Variants in MYT1L observed in about 807,000 individuals in gnomAD.
The protein encoded by MYT1L is myelin transcription factor 1 like.
In MYT1L, 12 loss-of-function variants were observed where a neutral mutation model predicts 126.7. That is an observed-to-expected ratio of 0.09 (90% CI 0.06 to 0.15). The LOEUF is 0.15. Ranked by LOEUF, MYT1L falls within the 10% of genes least tolerant of loss-of-function variation. The pLI, the probability that MYT1L is intolerant of heterozygous loss-of-function variation, is 1.00. For missense variants in MYT1L, 979 were observed against 1,585.2 expected (o/e 0.62, Z 6.49); for synonymous variants, 541 against 604.2 (o/e 0.90, Z 1.53).
chr2:2,095,925 T>C (rs1307254099), intron 3 of MYT1L, among the ~76,000 whole-genome samples: 1 of 152,114 alleles, frequency 6.6e-6, no homozygotes, highest in African/African-American at 2.4e-5. Context: ...GCTTTGCGAG[T>C]TGGGCCCCAG....
chr2:1,840,323 A>G (rs10193331), intron 20 of MYT1L, among the ~76,000 whole-genome samples: 73,432 of 151,920 alleles, frequency 0.48, 19,935 homozygotes, highest in African/African-American at 0.74. Flanking sequence ...TGTCCACTGC[A>G]GCCCCAAGCC....
chr2:2,181,140 G>A (rs1183288768), intron 2 of MYT1L, among the ~76,000 whole-genome samples: 1 of 151,592 alleles, frequency 6.6e-6, no homozygotes, highest in Non-Finnish European at 1.5e-5. Flanking sequence ...GTGTACCTGT[G>A]TCTGTGCCTG....
chr2:2,140,399 G>A lies in MYT1L; in HGVS notation c.-304+32473C>T, dbSNP rs191819374. On this transcript the variant is annotated intron_variant, in intron 3 of 24. Transcript: ENST00000647738. ...AAATTTGCTCTTTTTGCAAGATAAT[G>A]GATCAATGTCTTTATTTTTTTTCTT... is the stretch of plus-strand genomic sequence containing the variant. Among the ~76,000 whole-genome samples, 169 of 150,410 alleles carry A rather than the reference G, an allele frequency of 1.1e-3. 1 individual carries two copies. The highest frequency in any genetic ancestry group is 3.5e-3 in the Middle Eastern group (1 of 282).
intron 9 of MYT1L, among the ~76,000 whole-genome samples, chr2:1,924,969 A>G (rs1360714582): frequency 6.6e-5 from 10 of 152,204 alleles, no homozygotes; most frequent in Admixed American, 6.5e-4. Context: ...GCACTTTGTT[A>G]TATTCATGGG....
At chr2:1,935,045 G>A (rs2055672008) in intron 9 of MYT1L, among the ~76,000 whole-genome samples, 1 of 152,186 alleles carries the variant, frequency 6.6e-6, no homozygotes, top group Admixed American at 6.5e-5. Flanking sequence ...ACTCTGATCT[G>A]CTTCGGCAGA....
intron 3 of MYT1L, among the ~76,000 whole-genome samples, chr2:2,119,569 A>G (rs1236753404): frequency 3.3e-5 from 5 of 152,234 alleles, no homozygotes; most frequent in African/African-American, 1.2e-4. Flanking sequence ...GAAAAAATTC[A>G]TCTTAAAACC....
intron 1 of MYT1L, chr2:2,324,065 C>G (rs2096212323): frequency 6.6e-6 from 1 of 152,162 alleles, no homozygotes. Flanking sequence ...AAACCGGCAG[C>G]AAATGACTAT....
chr2:1,916,230 G>A (rs1313243896), intron 11 of MYT1L, among the ~76,000 whole-genome samples: 3 of 152,170 alleles, frequency 2.0e-5, no homozygotes, highest in African/African-American at 4.8e-5. Context: ...TCCTGAGAAC[G>A]TTTCTTTGTG....
Position 1,873,638 on chromosome 2 carries a change from T to C in MYT1L, c.2711+12901A>G, listed in dbSNP as rs561376560. Among the ~76,000 whole-genome samples, 6 of 152,344 alleles carry C rather than the reference T, an allele frequency of 3.9e-5. No homozygotes were observed. In the East Asian group the frequency reaches 1.2e-3, roughly 29 times the overall value. ...AGCATCTGGCAGGCATCAGGCACCATTCTGGGTGCACAGAAAGCCCCAATC... is the reference window on the plus strand; with the variant it reads ...AGCATCTGGCAGGCATCAGGCACCACTCTGGGTGCACAGAAAGCCCCAATC... On this transcript the variant is annotated intron_variant, in intron 18 of 24. Transcript: ENST00000647738.
intron 5 of MYT1L, among the ~76,000 whole-genome samples, chr2:1,995,373 G>A (rs2061750313): frequency 6.6e-6 from 1 of 152,280 alleles, no homozygotes; most frequent in East Asian, 1.9e-4. Context: ...TGCTGGGAGT[G>A]CCCTTCACCA....
chr2:2,168,911 C>T (rs1186519444), intron 3 of MYT1L, among the ~76,000 whole-genome samples: 1 of 152,192 alleles, frequency 6.6e-6, no homozygotes, highest in Non-Finnish European at 1.5e-5. Context: ...CACTGGGGAG[C>T]TGCTATCTGA....
intron 3 of MYT1L, among the ~76,000 whole-genome samples, chr2:2,105,187 T>C (rs970409656): frequency 6.6e-6 from 1 of 152,212 alleles, no homozygotes; most frequent in Admixed American, 6.5e-5. Flanking sequence ...TGATTCTAAC[T>C]GAAGAGAGTA....
At chr2:2,283,675 T>C (rs554035828) in intron 2 of MYT1L, among the ~76,000 whole-genome samples, 1 of 152,240 alleles carries the variant, frequency 6.6e-6, no homozygotes, top group African/African-American at 2.4e-5. Flanking sequence ...TGCTCAGACC[T>C]CAAACCTACA....
intron 3 of MYT1L, among the ~76,000 whole-genome samples, chr2:2,151,110 A>C (rs2085717660): frequency 6.6e-6 from 1 of 152,142 alleles, no homozygotes; most frequent in Non-Finnish European, 1.5e-5. Context: ...GTGCCAAGAA[A>C]ACTGGTAGAA....
At chr2:2,167,309 C>T (rs1405585137) in intron 3 of MYT1L, among the ~76,000 whole-genome samples, 8 of 150,582 alleles carry the variant, frequency 5.3e-5, no homozygotes, top group Admixed American at 3.3e-4. Flanking sequence ...CTCTGTTGGA[C>T]GCAATGATGT....
chr2:2,170,104 C>T (rs1420544299), intron 3 of MYT1L, among the ~76,000 whole-genome samples: 1 of 152,198 alleles, frequency 6.6e-6, no homozygotes, highest in African/African-American at 2.4e-5. Flanking sequence ...ACCACGCTCA[C>T]GTATCAGCAA....
chr2:1,815,583 G>A (rs988746823), intron 21 of MYT1L, among the ~76,000 whole-genome samples: 3 of 152,242 alleles, frequency 2.0e-5, no homozygotes, highest in East Asian at 1.9e-4. Flanking sequence ...GGAAGCAAGA[G>A]GGGCCGAGAG....
At chr2:2,310,362 G>T (rs1012609304) in intron 1 of MYT1L, among the ~76,000 whole-genome samples, 4 of 151,926 alleles carry the variant, frequency 2.6e-5, no homozygotes, top group African/African-American at 7.3e-5. Flanking sequence ...TTACACTTCA[G>T]TATACTCTAT....
intron 2 of MYT1L, among the ~76,000 whole-genome samples, chr2:2,184,397 C>T (rs553686822): frequency 3.3e-5 from 5 of 152,172 alleles, no homozygotes; most frequent in Admixed American, 2.0e-4. Context: ...TGGGACAGAA[C>T]GGACGAAGGC....
Sources: allele counts gnomAD v4.1 joint callset (sites outside exome capture counted in the v4.1 genomes callset), GRCh38; gene constraint gnomAD v4.1.1; transcripts MANE v1.5; gene names NCBI Gene and HGNC (gene_info 2026-07-23, HGNC 2026-07-21).